Variants in STPG2 observed in about 807,000 individuals in gnomAD.
The protein encoded by STPG2 is sperm tail PG-rich repeat containing 2, also known as sperm-tail PG-rich repeat-containing protein 2.
A neutral mutation model predicts 54.2 loss-of-function variants in STPG2; 56 were observed. The ratio of observed to expected loss-of-function variants is 1.03; its 90% confidence interval spans 0.83 to 1.29. The LOEUF (loss-of-function observed/expected upper bound fraction) is 1.29, where lower values mean the gene tolerates loss of function less well. Ranked by LOEUF, STPG2 falls within the 50% of genes most tolerant of loss-of-function variation. The pLI, the probability that STPG2 is intolerant of heterozygous loss-of-function variation, is 0.00. For synonymous variants in STPG2, 200 were observed against 181.8 expected, an observed-to-expected ratio of 1.10 and a Z score of -0.81; for missense variants, 596 against 544.9, an observed-to-expected ratio of 1.09 and a Z score of -0.93.
At chr4:98,055,830 C>T (rs1377398791) in intron 5 of STPG2, among the ~76,000 whole-genome samples, 1 of 152,168 alleles carries the variant, frequency 6.6e-6, no homozygotes, top group African/African-American at 2.4e-5. Flanking sequence ...CTGCTGGCCT[C>T]TCTCAGGGCC....
intron 8 of STPG2, among the ~76,000 whole-genome samples, chr4:97,852,147 T>C (rs188409100): frequency 6.6e-6 from 1 of 152,292 alleles, no homozygotes; most frequent in East Asian, 1.9e-4. Context: ...ATTTTGAACA[T>C]GAGTTGTGAG....
At chr4:97,870,297 T>C (rs2149152901) in intron 8 of STPG2, among the ~76,000 whole-genome samples, 1 of 151,638 alleles carries the variant, frequency 6.6e-6, no homozygotes, top group South Asian at 2.1e-4. Context: ...TATGACAGAA[T>C]AGAAACTACA....
At chr4:97,848,069 C>A (rs1276531828) in intron 8 of STPG2, among the ~76,000 whole-genome samples, 1 of 152,086 alleles carries the variant, frequency 6.6e-6, no homozygotes, top group Non-Finnish European at 1.5e-5. Flanking sequence ...TGCTAAAAAC[C>A]CTCATTGGAT....
At chr4:97,901,518 C>T (rs1193864505) in intron 8 of STPG2, among the ~76,000 whole-genome samples, 1 of 151,890 alleles carries the variant, frequency 6.6e-6, no homozygotes, top group Non-Finnish European at 1.5e-5. Context: ...ATACAAAAAT[C>T]ACATGCTTGC....
intron 4 of STPG2, among the ~76,000 whole-genome samples, chr4:97,512,718 A>C (rs1411351914): frequency 6.6e-6 from 1 of 152,108 alleles, no homozygotes; most frequent in Non-Finnish European, 1.5e-5. Context: ...AGTAATAGCT[A>C]TCACTTATTG....
chr4:97,990,051 T>G (rs1734956853), intron 5 of STPG2, among the ~76,000 whole-genome samples: 1 of 152,200 alleles, frequency 6.6e-6, no homozygotes, highest in Non-Finnish European at 1.5e-5. Flanking sequence ...TCTACTATTT[T>G]CAACAGTTGT....
chr4:97,722,861 G>A (rs555490312), intron 9 of STPG2, among the ~76,000 whole-genome samples: 2 of 147,332 alleles, frequency 1.4e-5, no homozygotes, highest in Non-Finnish European at 3.0e-5. Flanking sequence ...GCAGTGGTGC[G>A]ATCTCGGCTC....
intron 4 of STPG2, among the ~76,000 whole-genome samples, chr4:97,463,371 A>G (rs1030177100): frequency 1.3e-5 from 2 of 152,190 alleles, no homozygotes; most frequent in East Asian, 1.9e-4. Context: ...TTAGGTTTAT[A>G]GAAAAGTAGT....
intron 4 of STPG2, among the ~76,000 whole-genome samples, chr4:97,446,176 T>C (rs1206665334): frequency 6.6e-6 from 1 of 152,202 alleles, no homozygotes; most frequent in Non-Finnish European, 1.5e-5. Context: ...TTTATTTGTA[T>C]TAAAAAGATA....
intron 4 of STPG2, among the ~76,000 whole-genome samples, chr4:97,508,711 ATTTG>A (rs761699903): frequency 3.9e-5 from 6 of 152,106 alleles, no homozygotes; most frequent in Non-Finnish European, 5.9e-5. Flanking sequence ...AATAAGTAGA[ATTTG>A]TTTGAACAAA....
At chr4:97,820,512 T>C (rs1728052248) in intron 9 of STPG2, among the ~76,000 whole-genome samples, 1 of 152,152 alleles carries the variant, frequency 6.6e-6, no homozygotes, top group African/African-American at 2.4e-5. Context: ...GTAAATGCAA[T>C]AGAAAAGTTC....
intron 8 of STPG2, among the ~76,000 whole-genome samples, chr4:97,888,220 G>A (rs961686839): frequency 1.3e-5 from 2 of 152,214 alleles, no homozygotes; most frequent in Non-Finnish European, 2.9e-5. Flanking sequence ...GCTTAGGCGA[G>A]CTGTGATAAG....
At chr4:97,904,756 G>A (rs964582013) in intron 8 of STPG2, among the ~76,000 whole-genome samples, 4 of 152,178 alleles carry the variant, frequency 2.6e-5, no homozygotes, top group Admixed American at 2.0e-4. Flanking sequence ...ACAGAGAAGT[G>A]CCTAAAGGAG....
At chr4:97,550,716 G>C (rs901919112) in intron 4 of STPG2, among the ~76,000 whole-genome samples, 1 of 152,152 alleles carries the variant, frequency 6.6e-6, no homozygotes, top group Admixed American at 6.6e-5. Context: ...TCCAGAGTTT[G>C]TTCCTTCAGA....
At chr4:97,701,389 TC>T (rs1167234131) in intron 10 of STPG2, among the ~76,000 whole-genome samples, 2 of 152,268 alleles carry the variant, frequency 1.3e-5, no homozygotes, top group Non-Finnish European at 2.9e-5. Context: ...ACATATTGGA[TC>T]CCCTGAATCA....
At chr4:97,815,459 T>C (rs1263173784) in intron 9 of STPG2, among the ~76,000 whole-genome samples, 1 of 152,180 alleles carries the variant, frequency 6.6e-6, no homozygotes, top group Non-Finnish European at 1.5e-5. Flanking sequence ...GTTTCAGCTT[T>C]CCGAATATTT....
chr4:97,788,090 A>T (rs748662202), intron 9 of STPG2, among the ~76,000 whole-genome samples: 7 of 151,938 alleles, frequency 4.6e-5, no homozygotes, highest in Non-Finnish European at 1.0e-4. Context: ...CAATCCAATT[A>T]GACTCTTAGT....
At chr4:97,683,910 G>C (rs1723109610) in intron 10 of STPG2, among the ~76,000 whole-genome samples, 1 of 151,814 alleles carries the variant, frequency 6.6e-6, no homozygotes. Context: ...ATCTATAGCA[G>C]AGTTGCAGGA....
chr4:97,820,682 C>A (rs1307627130), intron 9 of STPG2, among the ~76,000 whole-genome samples: 2 of 152,186 alleles, frequency 1.3e-5, no homozygotes, highest in Non-Finnish European at 2.9e-5. Context: ...AAGCATGGCA[C>A]TGACATCTGC....
Sources: allele counts gnomAD v4.1 joint callset (sites outside exome capture counted in the v4.1 genomes callset), GRCh38; gene constraint gnomAD v4.1.1; transcripts MANE v1.5; gene names NCBI Gene and HGNC (gene_info 2026-07-23, HGNC 2026-07-21).